Variants in PTPN3 observed in about 807,000 individuals in gnomAD.
The protein encoded by PTPN3 is protein tyrosine phosphatase non-receptor type 3, also known as tyrosine-protein phosphatase non-receptor type 3.
In PTPN3, 96 loss-of-function variants were observed where a neutral mutation model predicts 132.7. The ratio of observed to expected loss-of-function variants is 0.72; its 90% CI spans 0.61 to 0.86. The LOEUF is 0.86. Ranked by LOEUF, PTPN3 falls within the 40% of genes least tolerant of loss-of-function variation. The probability of loss-of-function intolerance (pLI) is 0.00; values close to 1 mark genes in which losing one functional copy is unlikely to be tolerated. For synonymous variants in PTPN3, 398 were observed against 429.0 expected (o/e 0.93, Z 0.89); for missense variants, 1,125 against 1,159.6 (o/e 0.97, Z 0.43).
chr9:109,415,057 TCCATCCGTCCGTCCATCCAA>T (rs1458825738), intron 14 of PTPN3, among the ~76,000 whole-genome samples: 1 of 55,984 alleles, frequency 1.8e-5, no homozygotes, highest in Non-Finnish European at 3.9e-5. Flanking sequence ...CGTCCATCCG[TCCATCCGTCCGTCCATCCAA>T]CCATCCATCC....
At chr9:109,481,886 T>C (rs1442809587) in intron 1 of PTPN3, among the ~76,000 whole-genome samples, 2 of 152,158 alleles carry the variant, frequency 1.3e-5, no homozygotes, top group Non-Finnish European at 2.9e-5. Context: ...TCTGGACCCA[T>C]AGGCTGTCCA....
chr9:109,386,719 G>A (rs1839610883), intron 22 of PTPN3, among the ~76,000 whole-genome samples: 2 of 152,204 alleles, frequency 1.3e-5, no homozygotes, highest in Admixed American at 6.5e-5. Context: ...CAATACACCT[G>A]CACAGAAGGT....
intron 11 of PTPN3, among the ~76,000 whole-genome samples, chr9:109,428,234 G>A (rs1162250049): frequency 1.3e-5 from 2 of 152,208 alleles, no homozygotes; most frequent in East Asian, 1.9e-4. Context: ...GCTAGGGAAC[G>A]TTAAGTAACC....
chr9:109,448,779 A>T (rs201140289), intron 6 of PTPN3, 32 bp downstream of exon 6: 56 of 1,572,918 alleles, frequency 3.6e-5, no homozygotes, highest in Non-Finnish European at 4.4e-5. Flanking sequence ...TGCTAGTCTA[A>T]CAGGAAAAGA....
At chr9:109,424,785 A>G (rs900949336) in intron 12 of PTPN3, among the ~76,000 whole-genome samples, 1 of 152,254 alleles carries the variant, frequency 6.6e-6, no homozygotes, top group Non-Finnish European at 1.5e-5. Context: ...CCTGACTCAC[A>G]AAGTCATGAG....
chr9:109,394,077 G>A (rs1312887182), intron 19 of PTPN3, among the ~76,000 whole-genome samples: 2 of 152,178 alleles, frequency 1.3e-5, no homozygotes, highest in Non-Finnish European at 2.9e-5. Context: ...GTTCATTTTA[G>A]GAATAAACTA....
intron 4 of PTPN3, among the ~76,000 whole-genome samples, chr9:109,455,171 G>A (rs953360327): frequency 1.3e-5 from 2 of 152,188 alleles, no homozygotes; most frequent in African/African-American, 4.8e-5. Context: ...TGCTTTTAAT[G>A]TAAAGTATAT....
At chr9:109,435,398 T>C (rs1843972039) in intron 9 of PTPN3, among the ~76,000 whole-genome samples, 1 of 152,208 alleles carries the variant, frequency 6.6e-6, no homozygotes, top group South Asian at 2.1e-4. Flanking sequence ...TGCAGCTTCC[T>C]GTTCCCTTGT....
chr9:109,517,026 C>G, the PTPN3 span, among the ~76,000 whole-genome samples: 1 of 152,146 alleles, frequency 6.6e-6, no homozygotes, highest in East Asian at 1.9e-4. Flanking sequence ...ATACTCAGAA[C>G]TCAGGAGACA....
At chr9:109,417,796 C>T in intron 14 of PTPN3, 1 of 984,938 alleles carries the variant, frequency 1.0e-6, no homozygotes, top group Non-Finnish European at 1.2e-6. Context: ...TAAAACCCCA[C>T]AAGGAAGCCT....
intron 6 of PTPN3, among the ~76,000 whole-genome samples, chr9:109,446,938 G>A (rs1270525568): frequency 6.6e-6 from 1 of 152,138 alleles, no homozygotes; most frequent in Non-Finnish European, 1.5e-5. Flanking sequence ...ACCATGGACG[G>A]CTCAAACAAG....
chr9:109,518,264 G>A, the PTPN3 span, among the ~76,000 whole-genome samples: 1 of 152,192 alleles, frequency 6.6e-6, no homozygotes, highest in Non-Finnish European at 1.5e-5. Context: ...ACTGAGTGAG[G>A]TCCTCTCAGC....
At chr9:109,379,831 T>C (rs1446974166) in intron 25 of PTPN3, among the ~76,000 whole-genome samples, 198 bp from the exon 26 acceptor site, 2 of 151,982 alleles carry the variant, frequency 1.3e-5, no homozygotes, top group Admixed American at 6.5e-5. Context: ...GTGGGCAAAG[T>C]GTCATGGAGA....
At chr9:109,477,300 T>C (rs938464666) in intron 1 of PTPN3, among the ~76,000 whole-genome samples, 1 of 152,216 alleles carries the variant, frequency 6.6e-6, no homozygotes, top group African/African-American at 2.4e-5. Context: ...GTAAATTTCC[T>C]CTTACAAGGG....
Position 109,408,356 on chromosome 9 carries a change from G to A in PTPN3, c.1600C>T (p.Pro534Ser). Reference sequence around the variant, plus strand: ...GGGTTTATCCTTGATACCACAAGAGGCATCTTTTGATCCACTCCTCCCTGT... The same window carrying A: ...GGGTTTATCCTTGATACCACAAGAGACATCTTTTGATCCACTCCTCCCTGT... ...NLKGGVDQKM[P>S]LVVSRINPES... is the part of the protein sequence containing the mutation. The change falls in exon 17 of 26, where the codon CCT becomes TCT. Residue 534 changes from proline (P) to serine (S), a missense_variant. Coordinates refer to ENST00000374541, the MANE Select transcript of PTPN3 (RefSeq NM_002829.4). The A allele has an allele frequency of 1.9e-6, 3 of 1,582,634 alleles. No homozygotes were observed. Among genetic ancestry groups the A allele is most frequent in the South Asian group, 2.3e-5 (2 of 86,102 alleles).
At chr9:109,445,122 C>T (rs1159322329) in intron 7 of PTPN3, 118 bp downstream of exon 7, 2 of 991,620 alleles carry the variant, frequency 2.0e-6, no homozygotes, top group South Asian at 1.4e-5. Context: ...CAGAGATATG[C>T]TGCCCAGCAG....
chr9:109,493,048 G>C (rs1847530657), intron 1 of PTPN3, among the ~76,000 whole-genome samples: 1 of 152,176 alleles, frequency 6.6e-6, no homozygotes, highest in Admixed American at 6.5e-5. Flanking sequence ...AGAAACATCT[G>C]TTTTTATATT....
the PTPN3 span, among the ~76,000 whole-genome samples, chr9:109,524,381 A>G: frequency 1.2e-5 from 1 of 85,670 alleles, no homozygotes. Flanking sequence ...TATTATTCCC[A>G]TCTCACAGCT....
In PTPN3 at chr9:109,457,046, A is replaced by T. The variant is rs192332691; in HGVS notation, c.289+127T>A. The stretch of plus-strand genomic sequence containing the variant: ...AAGTCAGACAGGGAGAAGTCGGCTC[A>T]CTCATGACTCCTGGACACCCGGAAC... On this transcript the variant is annotated intron_variant, in intron 4 of 25. Coordinates refer to ENST00000374541, the MANE Select transcript of PTPN3 (RefSeq NM_002829.4). 77 of 936,766 alleles carry T rather than the reference A, an allele frequency of 8.2e-5. No homozygotes were observed. In the African/African-American group the frequency reaches 1.2e-3, roughly 15 times the overall value. The allele number at this position is 936,766 out of a possible 1,614,324, so 58.0% of individuals were successfully genotyped here.
Sources: gnomAD v4.1 joint callset for allele counts (sites outside exome capture counted in the v4.1 genomes callset) on GRCh38, gnomAD v4.1.1 for gene constraint, MANE v1.5 for transcripts, NCBI Gene and HGNC (gene_info 2026-07-23, HGNC 2026-07-21) for gene names.